MAP3K10: variants seen among roughly 807,000 people sequenced by gnomAD.
MAP3K10 encodes the protein MKN28 derived nonreceptor_type serine/threonine kinase.
MAP3K10 carries 22 observed loss-of-function variants against 75.0 expected under a neutral mutation model. The ratio of observed to expected loss-of-function variants is 0.29; its 90% confidence interval spans 0.21 to 0.42. The LOEUF (loss-of-function observed/expected upper bound fraction) is 0.42. MAP3K10 is among the 10% of genes least tolerant of loss of function. The pLI is 1.00. For synonymous variants in MAP3K10, 599 were observed against 612.9 expected (o/e 0.98, Z 0.34); for missense variants, 1,165 against 1,379.8 (o/e 0.84, Z 2.47).
intron 1 of MAP3K10, among the ~76,000 whole-genome samples, chr19:40,196,557 C>T (rs964995270): frequency 3.9e-5 from 6 of 152,196 alleles, no homozygotes; most frequent in African/African-American, 1.4e-4. Context: ...CTCGCTCTGT[C>T]ATCCAGGTTG....
intron 5 of MAP3K10, among the ~76,000 whole-genome samples, chr19:40,207,691 C>T (rs374152191): frequency 3.4e-4 from 51 of 152,102 alleles, no homozygotes; most frequent in African/African-American, 1.1e-3. Flanking sequence ...GCCGAGATCG[C>T]GCCATTGTAC....
intron 9 of MAP3K10, among the ~76,000 whole-genome samples, chr19:40,214,577 G>T (rs1185058704): frequency 6.6e-6 from 1 of 152,178 alleles, no homozygotes; most frequent in African/African-American, 2.4e-5. Flanking sequence ...GCACTGTGCT[G>T]CTTGTTTTAA....
Position 40,205,632 on chromosome 19 carries a change from G to A in MAP3K10, c.1189-279G>A, listed in dbSNP as rs766612986. On this transcript the variant is annotated intron_variant, in intron 4 of 9. Coordinates refer to ENST00000253055, the MANE Select transcript of MAP3K10 (RefSeq NM_002446.4). This position sits in a 1 kb window ranked among gnomAD's most constrained non-coding sequence, Gnocchi z 4.3. ...TTGAAATTGGATGATGGGTACAGGG[G>A]GGTGCACTGTTCTCTGCTTTTGTGG... is the stretch of plus-strand genomic sequence containing the variant. 1.9e-6 allele frequency: 1 copy of A among 535,916 alleles called. No homozygotes were observed. Among genetic ancestry groups the A allele is most frequent in the Admixed American group, 3.4e-5 (1 of 29,114 alleles). 33.2% of individuals were successfully genotyped at this position (535,916 alleles called of 1,614,324 possible).
In MAP3K10 at chr19:40,205,385, C is replaced by A; in HGVS notation, c.1188+89C>A. On this transcript the variant is annotated intron_variant, in intron 4 of 9. Transcript: ENST00000253055. This position sits in a 1 kb window ranked among gnomAD's most constrained non-coding sequence, Gnocchi z 4.3. ...GCTCAGAGACTCCTCCCCTGAACCC[C>A]AGCCTTTGGGTCCATGCAGGGTCAA... 1 of 1,417,510 alleles carries A rather than the reference C, an allele frequency of 7.1e-7. No homozygotes were observed. Among genetic ancestry groups the A allele is most frequent in the Non-Finnish European group, 9.7e-7 (1 of 1,026,566 alleles). 87.8% of individuals were successfully genotyped at this position (1,417,510 alleles called of 1,614,324 possible).
chr19:40,192,818 G>A lies in MAP3K10; in HGVS notation c.682+105G>A. 1 of 902,622 alleles carries A rather than the reference G, an allele frequency of 1.1e-6. No individual in the cohort carries two copies. Among genetic ancestry groups the A allele is most frequent in the Non-Finnish European group, 1.6e-6 (1 of 618,374 alleles). The allele number at this position is 902,622 out of a possible 1,614,324, so 55.9% of individuals were successfully genotyped here. ...GACACCAGATGACACTGTGCCTGGAGTGAGAAGGGGCAGCAGTATGATACC... is the reference window on the plus strand; with the variant it reads ...GACACCAGATGACACTGTGCCTGGAATGAGAAGGGGCAGCAGTATGATACC... On this transcript the variant is annotated intron_variant, in intron 1 of 9. Transcript: ENST00000253055. The surrounding 1 kb of genome is among the most constrained non-coding windows in gnomAD (Gnocchi z 7.1).
In MAP3K10 at chr19:40,204,584, G is replaced by A. The variant is rs749389906; in HGVS notation, c.963G>A (p.Thr321=). ...ATGGCGTGGCTATGAATAAGCTGAC[G>A]CTGCCCATTCCCTCCACGTGCCCCG... The part of the protein sequence containing the change: ...VAYGVAMNKL[T]LPIPSTCPEP... The change falls in exon 3 of 10, where the codon ACG becomes ACA. Residue 321 remains threonine, a synonymous_variant. Coordinates refer to ENST00000253055, the MANE Select transcript of MAP3K10 (RefSeq NM_002446.4). This position sits in a 1 kb window ranked among gnomAD's most constrained non-coding sequence, Gnocchi z 4.3. The A allele has an allele frequency of 6.8e-6, 11 of 1,613,838 alleles. No homozygotes were observed. Among genetic ancestry groups the A allele is most frequent in the Admixed American group, 3.3e-5 (2 of 59,990 alleles).
At position 40,198,462 on chromosome 19, in the gene MAP3K10, A is replaced by C. The variant is rs1290466266; in HGVS notation, c.770A>C (p.Lys257Thr). Residue 257 changes from lysine to threonine, a missense_variant, in exon 2 of 10, where the codon AAG (lysine) becomes ACG (threonine). Coordinates refer to ENST00000253055, the MANE Select transcript of MAP3K10 (RefSeq NM_002446.4). The surrounding 1 kb of genome is among the most constrained non-coding windows in gnomAD (Gnocchi z 4.3). The part of the protein sequence containing the change: ...TDFGLAREWH[K>T]TTKMSAAGTY... ...TTCGGCCTCGCCCGCGAGTGGCACA[A>C]GACCACCAAGATGAGCGCTGCGGGG... 1.2e-6 allele frequency: 2 copies of C among 1,614,168 alleles called. No individual in the cohort carries two copies. Among genetic ancestry groups the C allele is most frequent in the Non-Finnish European group, 1.7e-6 (2 of 1,180,036 alleles).
rs1454932498 is a variant in MAP3K10 at position 40,198,248 on chromosome 19, G to A, written c.683-127G>A. The stretch of plus-strand genomic sequence containing the variant: ...GATGTTCCAGGCCAGGAAAGGACCT[G>A]CCACAGAGCGGGGCAGCCTGAGGCA... On this transcript the variant is annotated intron_variant, in intron 1 of 9. Coordinates refer to ENST00000253055, the MANE Select transcript of MAP3K10 (RefSeq NM_002446.4). The surrounding 1 kb of genome is among the most constrained non-coding windows in gnomAD (Gnocchi z 4.3). 2.3e-6 allele frequency: 2 copies of A among 857,908 alleles called. No individual in the cohort carries two copies. Among genetic ancestry groups the A allele is most frequent in the Non-Finnish European group, 3.6e-6 (2 of 562,892 alleles). The allele number at this position is 857,908 out of a possible 1,614,324, so 53.1% of individuals were successfully genotyped here. A position where few individuals can be genotyped will look rare whatever the true frequency, so the allele number is the denominator to read the frequency against.
chr19:40,206,285 C>A, intron 5 of MAP3K10, 128 bp downstream of exon 5: 1 of 1,166,824 alleles, frequency 8.6e-7, no homozygotes, highest in Non-Finnish European at 1.2e-6. Flanking sequence ...AGTCAGTGAT[C>A]AGCCCAGTGC....
rs1277384262 is a variant in MAP3K10, at chr19:40,212,300, C to G, written c.1553-505C>G. Among the ~76,000 whole-genome samples, 1 of 152,164 alleles carries G rather than the reference C, an allele frequency of 6.6e-6. No homozygotes were observed. Among genetic ancestry groups the G allele is most frequent in the African/African-American group, 2.4e-5 (1 of 41,436 alleles). On this transcript the variant is annotated intron_variant, in intron 6 of 9. Coordinates refer to ENST00000253055, the MANE Select transcript of MAP3K10 (RefSeq NM_002446.4). The surrounding 1 kb of genome is among the most constrained non-coding windows in gnomAD (Gnocchi z 4.2). Reference sequence around the variant, plus strand: ...AGTTCCAACACCTCATTCACCCCAGCACTGTCCCCACCCACAGCCCCCCTG... The same window carrying G: ...AGTTCCAACACCTCATTCACCCCAGGACTGTCCCCACCCACAGCCCCCCTG...
At chr19:40,202,387 C>T (rs566698938) in intron 2 of MAP3K10, among the ~76,000 whole-genome samples, 26 of 152,180 alleles carry the variant, frequency 1.7e-4, no homozygotes, top group Non-Finnish European at 3.4e-4. Flanking sequence ...CTGTGCCTGT[C>T]TGCTGTGCTG....
Position 40,204,698 on chromosome 19 carries a change from C to A in MAP3K10, c.1012+65C>A. 2 of 1,563,166 alleles carry A rather than the reference C, an allele frequency of 1.3e-6. No individual in the cohort carries two copies. The highest frequency in any genetic ancestry group is 1.3e-5 in the African/African-American group (1 of 74,104). ...AGTGGCAGGGACCTGTGGGCCCAGACCTTTCCCCTTCACACCTATCCATAC... is the reference window on the plus strand; with the variant it reads ...AGTGGCAGGGACCTGTGGGCCCAGAACTTTCCCCTTCACACCTATCCATAC... On this transcript the variant is annotated intron_variant, in intron 3 of 9. Transcript: ENST00000253055. This position sits in a 1 kb window ranked among gnomAD's most constrained non-coding sequence, Gnocchi z 4.3.
chr19:40,209,721 A>G (rs1369744028), intron 6 of MAP3K10, among the ~76,000 whole-genome samples: 1 of 152,030 alleles, frequency 6.6e-6, no homozygotes, highest in East Asian at 1.9e-4. Context: ...GGCGCAGGAT[A>G]ATTTCTAGTA....
rs758317764 is a variant in MAP3K10 at position 40,214,208 on chromosome 19, G to A, written c.2529G>A (p.Ala843=). The change falls in exon 9 of 10, where the codon GCG becomes GCA. Residue 843 remains alanine, a synonymous_variant. Transcript: ENST00000253055. ...ALGQRGPPEP[A]GHGPGPRDLL... Reference sequence around the variant, plus strand: ...GGCAGCGGGGGCCGCCCGAGCCCGCGGGCCATGGCCCTGGTGAGTGAGGCG... The same window carrying A: ...GGCAGCGGGGGCCGCCCGAGCCCGCAGGCCATGGCCCTGGTGAGTGAGGCG... 2 of 1,424,006 alleles carry A rather than the reference G, an allele frequency of 1.4e-6. No individual in the cohort carries two copies. The highest frequency in any genetic ancestry group is 1.8e-6 in the Non-Finnish European group (2 of 1,100,364). 88.2% of individuals were successfully genotyped at this position (1,424,006 alleles called of 1,614,324 possible). A position where few individuals can be genotyped will look rare whatever the true frequency, so the allele number is the denominator to read the frequency against.
Position 40,204,393 on chromosome 19 carries a change from G to A in MAP3K10, c.864-92G>A. 3.4e-6 allele frequency: 5 copies of A among 1,450,556 alleles called. No homozygotes were observed. The South Asian group carries it at 6.6e-5, about 19-fold the overall frequency. 89.9% of individuals were successfully genotyped at this position (1,450,556 alleles called of 1,614,324 possible). On this transcript the variant is annotated intron_variant, in intron 2 of 9. Transcript: ENST00000253055. This position sits in a 1 kb window ranked among gnomAD's most constrained non-coding sequence, Gnocchi z 4.3. Reference sequence around the variant, plus strand: ...TGGCCGGGGGTGGCTGTTGGGGTGAGGGCAGCCCTGCATGGGACCAAGGGC... The same window carrying A: ...TGGCCGGGGGTGGCTGTTGGGGTGAAGGCAGCCCTGCATGGGACCAAGGGC...
At chr19:40,195,654 TGG>T (rs1415441796) in intron 1 of MAP3K10, among the ~76,000 whole-genome samples, 1 of 151,850 alleles carries the variant, frequency 6.6e-6, no homozygotes, top group Non-Finnish European at 1.5e-5. Context: ...CCACCAAGCC[TGG>T]CTAATTTTTG....
At chr19:40,208,345 C>CTTTTTTT (rs747110243) in intron 5 of MAP3K10, among the ~76,000 whole-genome samples, 183 of 55,908 alleles carry the variant, frequency 3.3e-3, no homozygotes, top group South Asian at 9.4e-3. Context: ...CTCTTTCTTT[C>CTTTTTTT]TTTTTTTTTT....
chr19:40,197,308 T>A (rs1425875223), intron 1 of MAP3K10, among the ~76,000 whole-genome samples: 1 of 152,092 alleles, frequency 6.6e-6, no homozygotes, highest in Non-Finnish European at 1.5e-5. Context: ...CAGGGTGCAC[T>A]CTGCCTTTGT....
intron 1 of MAP3K10, among the ~76,000 whole-genome samples, chr19:40,195,136 A>T (rs1972881611): frequency 6.6e-6 from 1 of 152,134 alleles, no homozygotes; most frequent in Non-Finnish European, 1.5e-5. Flanking sequence ...AGGAAGTAGG[A>T]TCAGAAAGGC....
Sources: allele counts gnomAD v4.1 joint callset (sites outside exome capture counted in the v4.1 genomes callset), GRCh38; gene constraint gnomAD v4.1.1; non-coding constraint Gnocchi (gnomAD v3.1); transcripts MANE v1.5; gene names NCBI Gene and HGNC (gene_info 2026-07-23, HGNC 2026-07-21).